The following FAM50A variants were observed in gnomAD, a reference collection of about 807,000 sequenced individuals.
The protein encoded by FAM50A is family with sequence similarity 50 member A, also known as protein FAM50A.
In FAM50A, 6 loss-of-function variants were observed where a neutral mutation model predicts 35.5. The observed-to-expected ratio is 0.17, with a 90% confidence interval of 0.09 to 0.33. The LOEUF is 0.33. FAM50A is among the 10% of genes least tolerant of loss of function. The pLI is 1.00. For synonymous variants in FAM50A, 120 were observed against 110.9 expected, an observed-to-expected ratio of 1.08 and a Z score of -0.52; for missense variants, 145 against 295.5, an observed-to-expected ratio of 0.49 and a Z score of 3.73.
At chrX:154,446,135 C>T (rs900942800) in intron 3 of FAM50A, 4 of 443,548 alleles carry the variant, frequency 9.0e-6, no homozygotes, top group African/African-American at 7.4e-5. Context: ...ATGCAGTGGG[C>T]CCTTTCCCAG....
intron 1 of FAM50A, chrX:154,445,386 G>T (rs782193387): frequency 2.3e-6 from 1 of 425,975 alleles, no homozygotes; most frequent in East Asian, 3.8e-5. Flanking sequence ...GGTCAGTAGG[G>T]TCGGTGGCTT....
chrX:154,447,683 A>T (rs1277846263), intron 4 of FAM50A, among the ~76,000 whole-genome samples: 1 of 111,574 alleles, frequency 9.0e-6, no homozygotes, highest in Non-Finnish European at 1.9e-5. Flanking sequence ...CCCAGGCTGG[A>T]GTGCAGAGGG....
intron 1 of FAM50A, 98 bp from the exon 2 acceptor site, chrX:154,445,535 C>T: frequency 1.5e-6 from 1 of 657,933 alleles, no homozygotes; most frequent in Non-Finnish European, 2.5e-6. Context: ...TCGACAAGGG[C>T]ACAGGGGCAG....
Position 154,450,502 on chromosome X carries a change from C to A in FAM50A, c.*70C>A. The A allele has an allele frequency of 1.8e-5, 20 of 1,101,807 alleles. No individual in the cohort carries two copies. The highest frequency in any genetic ancestry group is 2.5e-5 in the Non-Finnish European group (20 of 803,165). 90.8% of individuals were successfully genotyped at this position (1,101,807 alleles called of 1,213,427 possible). On this transcript the variant is annotated 3_prime_UTR_variant, in exon 13 of 13. Transcript: ENST00000393600. Reference sequence around the variant, plus strand: ...GTGCCCCGTGGTGTCACCGGGACTCCAGGCACCCGCTCCCCTGCGACCATG... The same window carrying A: ...GTGCCCCGTGGTGTCACCGGGACTCAAGGCACCCGCTCCCCTGCGACCATG...
chrX:154,448,589 C>T, intron 5 of FAM50A, 29 bp downstream of exon 5: 1 of 1,192,852 alleles, frequency 8.4e-7, no homozygotes, highest in Non-Finnish European at 1.1e-6. Context: ...TGACCCCGGC[C>T]TCGACTCCAG....
intron 8 of FAM50A, 110 bp from the exon 9 acceptor site, chrX:154,449,571 T>G (rs1300808075): frequency 6.1e-6 from 4 of 655,787 alleles, no homozygotes; most frequent in Non-Finnish European, 9.5e-6. Context: ...CACAGCCAAC[T>G]GGCCGCTGCT....
At chrX:154,446,355 G>T in intron 3 of FAM50A, 60 bp from the exon 4 acceptor site, 1 of 1,110,123 alleles carries the variant, frequency 9.0e-7, no homozygotes, top group Non-Finnish European at 1.2e-6. Context: ...GGTCAAGGAA[G>T]GGGCTGGGTC....
intron 12 of FAM50A, 26 bp from the exon 13 acceptor site, chrX:154,450,398 C>T: frequency 1.7e-6 from 2 of 1,211,256 alleles, no homozygotes; most frequent in South Asian, 1.8e-5. Context: ...TCCTTGTCTC[C>T]TCTGCCCACC....
chrX:154,444,188 T>TCGCCGCCGCCGCCGCC lies in FAM50A; in HGVS notation c.-31_-16dup, dbSNP rs781836099. On this transcript the variant is annotated 5_prime_UTR_variant, in exon 1 of 13. Coordinates refer to ENST00000393600, the MANE Select transcript of FAM50A (RefSeq NM_004699.4). ...GCCGCTGCCGCTGCCGCTGTCGCTG[T>TCGCCGCCGCCGCCGCC]CGCCGCCGCCGCCGCCCGCCGCCGC... 1.4e-5 allele frequency: 7 copies of TCGCCGCCGCCGCCGCC among 507,873 alleles called. No homozygotes were observed. Among genetic ancestry groups the TCGCCGCCGCCGCCGCC allele is most frequent in the African/African-American group, 9.0e-5 (3 of 33,160 alleles). The allele number at this position is 507,873 out of a possible 1,213,427, so 41.9% of individuals were successfully genotyped here. A position where few individuals can be genotyped will look rare whatever the true frequency, so the allele number is the denominator to read the frequency against.
At chrX:154,445,578 G>A in intron 1 of FAM50A, 55 bp from the exon 2 acceptor site, 7 of 986,609 alleles carry the variant, frequency 7.1e-6, no homozygotes, top group Admixed American at 2.2e-5. Flanking sequence ...TTGATGGCCA[G>A]CCTGCCATTT....
At position 154,445,734 on chromosome X, in the gene FAM50A, T is replaced by C; in HGVS notation, c.196+17T>C. ...GCACCGTGGGTGAGCAGGGTGCGGG[T>C]GCCCCTCACCCGGGCCCCGGGCCAC... On this transcript the variant is annotated intron_variant, in intron 2 of 12. Transcript: ENST00000393600. The C allele has an allele frequency of 8.4e-7, 1 of 1,191,447 alleles. No homozygotes were observed. Among genetic ancestry groups the C allele is most frequent in the African/African-American group, 1.7e-5 (1 of 57,438 alleles).
At chrX:154,449,145 C>A in intron 7 of FAM50A, 76 bp from the exon 8 acceptor site, 1 of 982,386 alleles carries the variant, frequency 1.0e-6, no homozygotes, top group Non-Finnish European at 1.4e-6. Context: ...GCAGGGCCCT[C>A]TGGGCCTCTG....
chrX:154,446,583 GC>G (rs1359993941), intron 4 of FAM50A, 23 bp downstream of exon 4: 3 of 1,122,940 alleles, frequency 2.7e-6, no homozygotes, highest in Non-Finnish European at 3.5e-6. Flanking sequence ...TTGAGTCGGA[GC>G]CCCGCCCGCA....
chrX:154,447,343 G>C (rs1224621986), intron 4 of FAM50A, among the ~76,000 whole-genome samples: 1 of 111,839 alleles, frequency 8.9e-6, no homozygotes, highest in African/African-American at 3.3e-5. Flanking sequence ...ATGGCAGAGG[G>C]AGAGAAGCGA....
At chrX:154,447,165 G>A (rs113875353) in intron 4 of FAM50A, among the ~76,000 whole-genome samples, 29 of 112,568 alleles carry the variant, frequency 2.6e-4, no homozygotes, top group African/African-American at 8.4e-4. Context: ...TAGGCCCTAA[G>A]GATGAGGGGA....
chrX:154,446,666 G>A (rs1454655101), intron 4 of FAM50A, 106 bp downstream of exon 4: 3 of 1,064,177 alleles, frequency 2.8e-6, no homozygotes, highest in East Asian at 6.7e-5. Context: ...GGCTCCAAAA[G>A]CTGCCCTCTT....
At position 154,444,203 on chromosome X, in the gene FAM50A, C is replaced by CCCG. The variant is rs781785747; in HGVS notation, c.-7_-5dup. The CCCG allele has an allele frequency of 4.1e-4, 265 of 639,882 alleles. 1 individual carries two copies. The highest frequency in any genetic ancestry group is 1.1e-3 in the East Asian group (12 of 10,624). The allele number at this position is 639,882 out of a possible 1,213,427, so 52.7% of individuals were successfully genotyped here. A position where few individuals can be genotyped will look rare whatever the true frequency, so the allele number is the denominator to read the frequency against. ...GCTGTCGCTGTCGCCGCCGCCGCCG[C>CCCG]CCGCCGCCGCCGCCGCCGCCGCCGC... On this transcript the variant is annotated 5_prime_UTR_variant, in exon 1 of 13. Transcript: ENST00000393600.
At chrX:154,448,424 C>T (rs1213905141) in intron 4 of FAM50A, 60 bp from the exon 5 acceptor site, 13 of 1,021,612 alleles carry the variant, frequency 1.3e-5, no homozygotes, top group Admixed American at 6.6e-5. Context: ...CCCTGGGCGT[C>T]GGCCATATCA....
chrX:154,445,586 T>C (rs2068779127), intron 1 of FAM50A, 47 bp from the exon 2 acceptor site: 1 of 1,047,758 alleles, frequency 9.5e-7, no homozygotes, highest in Non-Finnish European at 1.3e-6. Context: ...CAGCCTGCCA[T>C]TTCCACAGTG....
Sources: gnomAD v4.1 joint callset for allele counts (sites outside exome capture counted in the v4.1 genomes callset) on GRCh38, gnomAD v4.1.1 for gene constraint, MANE v1.5 for transcripts, NCBI Gene and HGNC (gene_info 2026-07-23, HGNC 2026-07-21) for gene names.